RBFOX1: variants seen among roughly 807,000 people sequenced by gnomAD.
RBFOX1 encodes RNA binding protein fox-1 homolog 1.
A neutral mutation model predicts 57.7 loss-of-function variants in RBFOX1; 8 were observed. The ratio of observed to expected loss-of-function variants is 0.14; its 90% CI spans 0.08 to 0.25. The LOEUF (loss-of-function observed/expected upper bound fraction) is 0.25, where lower values mean the gene tolerates loss of function less well. Among genes scored for constraint, RBFOX1 ranks in the 10% least tolerant of loss-of-function variants. RBFOX1 has a pLI of 1.00. For missense variants in RBFOX1, 611 were observed against 548.5 expected, an observed-to-expected ratio of 1.11 and a Z score of -1.14; for synonymous variants, 326 against 222.4, an observed-to-expected ratio of 1.47 and a Z score of -4.15.
At chr16:6,840,720 C>G (rs1044677044) in intron 3 of RBFOX1, among the ~76,000 whole-genome samples, 6 of 151,856 alleles carry the variant, frequency 4.0e-5, no homozygotes, top group African/African-American at 1.5e-4. Context: ...AACCCCGTCT[C>G]TACTACAAAT....
chr16:7,708,806 A>G (rs938676621), intron 14 of RBFOX1, among the ~76,000 whole-genome samples: 2 of 121,056 alleles, frequency 1.7e-5, no homozygotes, highest in African/African-American at 6.3e-5. Context: ...AGGCAGGGAA[A>G]AGCATATGTA....
chr16:5,453,499 T>A (rs2068491477), intron 1 of RBFOX1, among the ~76,000 whole-genome samples: 1 of 152,160 alleles, frequency 6.6e-6, no homozygotes, highest in African/African-American at 2.4e-5. Context: ...CCCCTCTTCA[T>A]CAACAATTCA....
intron 4 of RBFOX1, among the ~76,000 whole-genome samples, chr16:7,187,367 A>C (rs1013166742): frequency 1.3e-5 from 2 of 152,090 alleles, no homozygotes; most frequent in African/African-American, 4.8e-5. Context: ...GAAGTCTTAC[A>C]AAGAAGTATA....
At chr16:7,027,583 C>G (rs972712409) in intron 3 of RBFOX1, among the ~76,000 whole-genome samples, 2 of 152,046 alleles carry the variant, frequency 1.3e-5, no homozygotes, top group African/African-American at 4.8e-5. Flanking sequence ...GACTAATGTA[C>G]TTAGAAATAC....
chr16:5,966,268 CTGG>C (rs913624553), intron 4 of RBFOX1, among the ~76,000 whole-genome samples: 2 of 152,018 alleles, frequency 1.3e-5, no homozygotes, highest in African/African-American at 2.4e-5. Context: ...ATACCTGAGA[CTGG>C]GTAAAGTAGA....
intron 4 of RBFOX1, among the ~76,000 whole-genome samples, chr16:7,509,367 T>A (rs1293173213): frequency 6.6e-6 from 1 of 151,764 alleles, no homozygotes; most frequent in Admixed American, 6.6e-5. Context: ...TTCGTTTACA[T>A]AATGTGTACT....
intron 5 of RBFOX1, among the ~76,000 whole-genome samples, chr16:7,563,062 G>C (rs2090794916): frequency 6.6e-6 from 1 of 152,172 alleles, no homozygotes; most frequent in Admixed American, 6.5e-5. Context: ...ACATCCCAAA[G>C]AAGCTCTGAG....
At chr16:6,163,034 C>A (rs2096891221) in intron 1 of RBFOX1, among the ~76,000 whole-genome samples, 1 of 152,096 alleles carries the variant, frequency 6.6e-6, no homozygotes, top group South Asian at 2.1e-4. Flanking sequence ...GTGCCTATCC[C>A]ACAACGTGCT....
intron 3 of RBFOX1, among the ~76,000 whole-genome samples, chr16:7,049,771 C>A (rs1039183459): frequency 3.3e-5 from 5 of 152,192 alleles, no homozygotes; most frequent in Non-Finnish European, 7.3e-5. Flanking sequence ...TTGCTGCATT[C>A]AGTGGGGGAA....
At chr16:7,237,348 C>T (rs534549505) in intron 4 of RBFOX1, among the ~76,000 whole-genome samples, 2 of 152,230 alleles carry the variant, frequency 1.3e-5, no homozygotes, top group African/African-American at 4.8e-5. Context: ...GGATTTTGGC[C>T]ATGCCCTTAA....
At chr16:6,464,951 C>T (rs990383200) in intron 2 of RBFOX1, among the ~76,000 whole-genome samples, 1 of 152,210 alleles carries the variant, frequency 6.6e-6, no homozygotes, top group Admixed American at 6.5e-5. Flanking sequence ...CTGTTGCCCT[C>T]GGGCAAATCA....
intron 1 of RBFOX1, among the ~76,000 whole-genome samples, chr16:5,363,393 C>G (rs755965925): frequency 9.9e-5 from 15 of 152,112 alleles, no homozygotes; most frequent in African/African-American, 1.4e-4. Context: ...TATGGTAGTT[C>G]TACTTGTAAG....
chr16:7,651,906 C>A (rs1388301261), intron 11 of RBFOX1, among the ~76,000 whole-genome samples: 2 of 151,700 alleles, frequency 1.3e-5, no homozygotes, highest in Non-Finnish European at 2.9e-5. Flanking sequence ...ATGGGACAAG[C>A]GTAGTGAGTA....
rs186472468 is a variant in RBFOX1 at position 7,477,926 on chromosome 16, C to G, written c.28-40221C>G. Reference sequence around the variant, plus strand: ...TCTTAAAGCATCTTGTTGTTTATTGCTTGATCTGAACCTTTGCACTCCCAC... The same window carrying G: ...TCTTAAAGCATCTTGTTGTTTATTGGTTGATCTGAACCTTTGCACTCCCAC... On this transcript the variant is annotated intron_variant, in intron 4 of 15. Coordinates refer to ENST00000550418, the MANE Select transcript of RBFOX1 (RefSeq NM_018723.4). Among the ~76,000 whole-genome samples, 245 of 152,274 alleles carry G rather than the reference C, an allele frequency of 1.6e-3. 1 individual carries two copies. The highest frequency in any genetic ancestry group is 5.7e-3 in the African/African-American group (238 of 41,574).
chr16:6,435,884 T>C (rs895632548), intron 2 of RBFOX1, among the ~76,000 whole-genome samples: 5 of 152,158 alleles, frequency 3.3e-5, no homozygotes, highest in African/African-American at 7.2e-5. Context: ...TCCATACATT[T>C]ATGAATGATC....
At chr16:6,111,261 G>A (rs1165122726) in intron 1 of RBFOX1, among the ~76,000 whole-genome samples, 2 of 152,206 alleles carry the variant, frequency 1.3e-5, no homozygotes, top group African/African-American at 4.8e-5. Flanking sequence ...TCACCCCATT[G>A]TTGGACATAC....
chr16:5,496,943 A>G (rs1447884612), intron 2 of RBFOX1, among the ~76,000 whole-genome samples: 3 of 152,250 alleles, frequency 2.0e-5, no homozygotes, highest in Non-Finnish European at 4.4e-5. Flanking sequence ...CAACATCTGC[A>G]CTAAGTGATA....
At chr16:5,432,559 G>GTTTTTTTTTTT (rs35344614) in intron 1 of RBFOX1, among the ~76,000 whole-genome samples, 1 of 94,220 alleles carries the variant, frequency 1.1e-5, no homozygotes, top group African/African-American at 4.0e-5. Context: ...TTGTTTGTTT[G>GTTTTTTTTTTT]TTTTTTTTTT....
intron 2 of RBFOX1, among the ~76,000 whole-genome samples, chr16:6,652,378 G>A (rs1288831022): frequency 1.3e-5 from 2 of 152,034 alleles, no homozygotes; most frequent in Non-Finnish European, 2.9e-5. Flanking sequence ...AACCTGGGAG[G>A]TGGAGGTTGC....
Sources: gnomAD v4.1 joint callset for allele counts (sites outside exome capture counted in the v4.1 genomes callset) on GRCh38, gnomAD v4.1.1 for gene constraint, MANE v1.5 for transcripts, NCBI Gene and HGNC (gene_info 2026-07-23, HGNC 2026-07-21) for gene names.